CFAP61: variants seen among roughly 807,000 people sequenced by gnomAD.
CFAP61 encodes the protein cilia- and flagella-associated protein 61.
A neutral mutation model predicts 135.6 loss-of-function variants in CFAP61; 107 were observed. The observed-to-expected ratio is 0.79, with a 90% CI of 0.67 to 0.93. CFAP61 has a LOEUF of 0.93. Among genes scored for constraint, CFAP61 ranks in the 40% least tolerant of loss-of-function variants. The pLI is 0.00. For missense variants in CFAP61, 1,507 were observed against 1,556.2 expected (o/e 0.97, Z 0.53); for synonymous variants, 575 against 578.5 (o/e 0.99, Z 0.09).
chr20:20,052,696 C>G (rs747537691), intron 1 of CFAP61, 105 bp downstream of exon 1: 186 of 1,612,070 alleles, frequency 1.2e-4, no homozygotes, highest in Non-Finnish European at 1.4e-4. Flanking sequence ...CAGGCGAGGA[C>G]GAGTGGCTCT....
At position 20,359,428 on chromosome 20, in the gene CFAP61, GC is replaced by G. The variant is rs2059392981; in HGVS notation, c.3514-780del. ...GCCTGTAATCCCAGCACTTTGGGAGGCCGAGGTGGGCAGATCACCTGAGGTC... is the reference window on the plus strand; with the variant it reads ...GCCTGTAATCCCAGCACTTTGGGAGGCGAGGTGGGCAGATCACCTGAGGTC... On this transcript the variant is annotated intron_variant, in intron 26 of 26. Transcript: ENST00000245957. The surrounding 1 kb of genome is among the most constrained non-coding windows in gnomAD (Gnocchi z 4.0). Among the ~76,000 whole-genome samples the G allele has an allele frequency of 6.6e-6, 1 of 152,072 alleles. No homozygotes were observed. Among genetic ancestry groups the G allele is most frequent in the Admixed American group, 6.5e-5 (1 of 15,276 alleles).
At chr20:20,118,410 G>A (rs1052722460) in intron 8 of CFAP61, among the ~76,000 whole-genome samples, 10 of 147,794 alleles carry the variant, frequency 6.8e-5, no homozygotes, top group Non-Finnish European at 1.3e-4. Context: ...GCATGGTCTC[G>A]GTTCACTAAC....
chr20:20,281,040 A>T (rs1362218531), intron 22 of CFAP61, among the ~76,000 whole-genome samples: 1 of 152,164 alleles, frequency 6.6e-6, no homozygotes, highest in African/African-American at 2.4e-5. Context: ...AAGCTATTAT[A>T]AATGTATTTA....
At chr20:20,157,633 C>G (rs1259403370) in intron 9 of CFAP61, among the ~76,000 whole-genome samples, 3 of 152,160 alleles carry the variant, frequency 2.0e-5, no homozygotes, top group African/African-American at 7.2e-5. Flanking sequence ...GAATCATAGA[C>G]TTGAATGTAG....
At chr20:20,296,096 T>C (rs1300350804) in intron 24 of CFAP61, among the ~76,000 whole-genome samples, 3 of 13,816 alleles carry the variant, frequency 2.2e-4, no homozygotes, top group Non-Finnish European at 3.1e-4. Flanking sequence ...CTTCTTTCCT[T>C]CCTTCCTTCC....
intron 6 of CFAP61, among the ~76,000 whole-genome samples, chr20:20,078,109 C>T (rs1402160645): frequency 6.6e-6 from 1 of 152,224 alleles, no homozygotes; most frequent in East Asian, 1.9e-4. Flanking sequence ...TATCTTATTC[C>T]TACAAAGAGT....
chr20:20,107,305 G>A (rs1190175051), intron 8 of CFAP61, among the ~76,000 whole-genome samples: 2 of 152,128 alleles, frequency 1.3e-5, no homozygotes. Flanking sequence ...CTGGGTCAGA[G>A]GCCTTCTCTC....
rs762908696 is a variant in CFAP61 at position 20,098,761 on chromosome 20, A to G, written c.806A>G (p.His269Arg). The G allele has an allele frequency of 1.5e-5, 24 of 1,614,026 alleles. No homozygotes were observed. The highest frequency in any genetic ancestry group is 5.9e-6 in the Non-Finnish European group (7 of 1,180,048). ...LGPFHGLCFP[H>R]PDDVLESPQD... ...CCTTTCCACGGACTCTGTTTCCCACATCCTGATGACGTTCTGGAATCACCA... is the reference window on the plus strand; with the variant it reads ...CCTTTCCACGGACTCTGTTTCCCACGTCCTGATGACGTTCTGGAATCACCA... The change falls in exon 8 of 27, where the codon CAT (histidine) becomes CGT (arginine). Residue 269 changes from histidine to arginine, a missense_variant. By Grantham distance (29) the His-to-Arg change is conservative. Coordinates refer to ENST00000245957, the MANE Select transcript of CFAP61 (RefSeq NM_015585.4).
chr20:20,316,065 A>G (rs967287222), intron 25 of CFAP61, among the ~76,000 whole-genome samples: 2 of 151,788 alleles, frequency 1.3e-5, no homozygotes, highest in Non-Finnish European at 2.9e-5. Flanking sequence ...GTTTTTTCCA[A>G]TTCTGTGAAG....
chr20:20,053,127 G>A (rs1205176432), intron 1 of CFAP61, among the ~76,000 whole-genome samples: 1 of 152,124 alleles, frequency 6.6e-6, no homozygotes, highest in Non-Finnish European at 1.5e-5. Context: ...TATAAAACAA[G>A]GCTAATAACA....
chr20:20,061,844 G>A (rs1049079658), intron 2 of CFAP61, among the ~76,000 whole-genome samples: 1 of 152,198 alleles, frequency 6.6e-6, no homozygotes, highest in Non-Finnish European at 1.5e-5. Flanking sequence ...CAAGCGTTAA[G>A]ATGGCCTGGC....
At chr20:20,200,863 A>G (rs1156295990) in intron 17 of CFAP61, 41 of 985,424 alleles carry the variant, frequency 4.2e-5, no homozygotes, top group Non-Finnish European at 4.9e-5. Flanking sequence ...GCGTACCTCC[A>G]TCAGACCAAC....
intron 20 of CFAP61, among the ~76,000 whole-genome samples, chr20:20,260,205 C>A (rs1023377394): frequency 3.3e-5 from 5 of 152,204 alleles, no homozygotes; most frequent in African/African-American, 1.2e-4. Context: ...ATGAACCATT[C>A]AGAAAGGAAG....
At chr20:20,356,123 A>G (rs1309678335) in intron 26 of CFAP61, among the ~76,000 whole-genome samples, 4 of 52,744 alleles carry the variant, frequency 7.6e-5, no homozygotes, top group East Asian at 7.9e-4. Flanking sequence ...CACTGAGGGG[A>G]GGTAGTCACA....
chr20:20,219,120 A>G (rs1293371532), intron 17 of CFAP61, among the ~76,000 whole-genome samples: 1 of 152,212 alleles, frequency 6.6e-6, no homozygotes, highest in Non-Finnish European at 1.5e-5. Flanking sequence ...CGAAATGACC[A>G]ATCCACTACT....
At chr20:20,131,119 T>G (rs1443892625) in intron 8 of CFAP61, among the ~76,000 whole-genome samples, 1 of 151,820 alleles carries the variant, frequency 6.6e-6, no homozygotes, top group Non-Finnish European at 1.5e-5. Flanking sequence ...TCTTACCATC[T>G]ACTCAGTTTT....
At chr20:20,085,732 T>C (rs1182853119) in intron 6 of CFAP61, among the ~76,000 whole-genome samples, 1 of 152,254 alleles carries the variant, frequency 6.6e-6, no homozygotes, top group African/African-American at 2.4e-5. Context: ...ATGATTAGGT[T>C]ATTGAATTAT....
intron 13 of CFAP61, among the ~76,000 whole-genome samples, chr20:20,186,039 T>C (rs547011831): frequency 6.6e-6 from 1 of 152,376 alleles, no homozygotes; most frequent in South Asian, 2.1e-4. Flanking sequence ...TCACATGCCA[T>C]ACAATTTGTC....
intron 13 of CFAP61, among the ~76,000 whole-genome samples, chr20:20,174,625 A>G (rs2054471474): frequency 6.6e-6 from 1 of 151,948 alleles, no homozygotes; most frequent in Non-Finnish European, 1.5e-5. Context: ...TAAAGTCCGC[A>G]CTCCTGCACC....
Sources: allele counts gnomAD v4.1 joint callset (sites outside exome capture counted in the v4.1 genomes callset), GRCh38; gene constraint gnomAD v4.1.1; non-coding constraint Gnocchi (gnomAD v3.1); transcripts MANE v1.5; gene names NCBI Gene and HGNC (gene_info 2026-07-23, HGNC 2026-07-21).